DGKB: variants seen among roughly 807,000 people sequenced by gnomAD.
DGKB encodes diacylglycerol kinase beta, also known as 90 kDa diacylglycerol kinase.
A neutral mutation model predicts 114.3 loss-of-function variants in DGKB; 67 were observed. The observed-to-expected ratio is 0.59, with a 90% CI of 0.48 to 0.72. The LOEUF is 0.72. Ranked by LOEUF, DGKB falls within the 30% of genes least tolerant of loss-of-function variation. The pLI is 0.00. For missense variants in DGKB, 907 were observed against 975.2 expected (o/e 0.93, Z 0.93); for synonymous variants, 398 against 323.1 (o/e 1.23, Z -2.49).
intron 23 of DGKB, among the ~76,000 whole-genome samples, chr7:14,251,056 A>C (rs954860848): frequency 1.3e-5 from 2 of 152,150 alleles, no homozygotes; most frequent in African/African-American, 4.8e-5. Context: ...GGAGGTGTAT[A>C]GCTGGATACT....
At chr7:14,149,833 A>G (rs758572234) in intron 25 of DGKB, among the ~76,000 whole-genome samples, 4 of 152,204 alleles carry the variant, frequency 2.6e-5, no homozygotes, top group Non-Finnish European at 5.9e-5. Context: ...ATTAATTGGT[A>G]ATATAATAGA....
intron 20 of DGKB, among the ~76,000 whole-genome samples, chr7:14,564,464 A>C (rs1563524377): frequency 6.6e-6 from 1 of 152,046 alleles, no homozygotes; most frequent in Non-Finnish European, 1.5e-5. Context: ...CATTTCAAAG[A>C]TTTTCAGATT....
intron 1 of DGKB, among the ~76,000 whole-genome samples, chr7:14,968,435 G>T (rs1471064378): frequency 6.6e-6 from 1 of 152,088 alleles, no homozygotes; most frequent in African/African-American, 2.4e-5. Flanking sequence ...AATCAAAATT[G>T]TAAGATTTCA....
At chr7:14,905,603 A>C (rs148837924), upstream of DGKB, among the ~76,000 whole-genome samples, 1 of 152,326 alleles carries the variant, frequency 6.6e-6, no homozygotes, top group East Asian at 1.9e-4. Context: ...AAATATATAG[A>C]AACGAATCAT....
intron 21 of DGKB, among the ~76,000 whole-genome samples, chr7:14,375,169 G>A (rs1461474715): frequency 1.3e-5 from 2 of 152,070 alleles, no homozygotes; most frequent in African/African-American, 4.8e-5. Flanking sequence ...CACATACCCA[G>A]GCCACTACAA....
Position 14,151,195 on chromosome 7 carries a change from G to A in DGKB, c.2305-1957C>T, listed in dbSNP as rs193242267. On this transcript the variant is annotated intron_variant, in intron 25 of 25. Coordinates refer to ENST00000402815, the MANE Select transcript of DGKB (RefSeq NM_001350709.2). ...GCTAAAGTAAGAAGGTTGAGATTTC[G>A]GGTTCATAATTTCTGGACTAAATGC... 1.2e-4 allele frequency among the ~76,000 whole-genome samples: 19 copies of A among 152,042 alleles called. No individual in the cohort carries two copies. The East Asian group carries it at 3.1e-3, about 25-fold the overall frequency.
At chr7:14,828,789 G>A (rs1038343723) in intron 2 of DGKB, among the ~76,000 whole-genome samples, 1 of 152,056 alleles carries the variant, frequency 6.6e-6, no homozygotes, top group Admixed American at 6.6e-5. Flanking sequence ...TTATTATTTA[G>A]TCCATTTCTG....
chr7:14,296,019 C>T (rs1265742592), intron 23 of DGKB, among the ~76,000 whole-genome samples: 1 of 147,604 alleles, frequency 6.8e-6, no homozygotes, highest in African/African-American at 2.5e-5. Flanking sequence ...ATTCATGTCC[C>T]TGCAAAGGTC....
chr7:14,158,344 G>A (rs1318776660), intron 25 of DGKB, among the ~76,000 whole-genome samples: 2 of 152,058 alleles, frequency 1.3e-5, no homozygotes, highest in Non-Finnish European at 2.9e-5. Flanking sequence ...CAGCATTCCC[G>A]CCACATGCCA....
intron 9 of DGKB, among the ~76,000 whole-genome samples, chr7:14,689,209 T>TTTTTATTTA (rs1563917636): frequency 8.9e-5 from 11 of 123,786 alleles, no homozygotes; most frequent in East Asian, 4.7e-4. Flanking sequence ...ATTTTTTTTT[T>TTTTTATTTA]TTTTTTTTTT....
chr7:14,764,350 C>T (rs953662296), intron 2 of DGKB, among the ~76,000 whole-genome samples: 9 of 151,868 alleles, frequency 5.9e-5, no homozygotes, highest in Non-Finnish European at 8.8e-5. Context: ...GTGCAGACAA[C>T]ATAGTAGCAT....
Position 14,884,690 on chromosome 7 carries a change from T to C in DGKB, c.-188+17902A>G, listed in dbSNP as rs114534732. On this transcript the variant is annotated intron_variant, in intron 1 of 25. Transcript: ENST00000402815. Reference sequence around the variant, plus strand: ...AGGCTCTGTAAATTACCACCAAGTATAGCCATGAATAAAATAAGAATCAAT... The same window carrying C: ...AGGCTCTGTAAATTACCACCAAGTACAGCCATGAATAAAATAAGAATCAAT... Among the ~76,000 whole-genome samples, 1,119 of 152,012 alleles carry C rather than the reference T, an allele frequency of 7.4e-3. 15 individuals carry two copies. The highest frequency in any genetic ancestry group is 0.025 in the African/African-American group (1,032 of 41,506).
chr7:14,592,349 G>A (rs78984121), intron 17 of DGKB, among the ~76,000 whole-genome samples: 8 of 151,804 alleles, frequency 5.3e-5, no homozygotes, highest in African/African-American at 1.7e-4. Context: ...CTTTCCTTAC[G>A]AAAGGTCTGC....
intron 1 of DGKB, among the ~76,000 whole-genome samples, chr7:14,876,210 G>C (rs1411901683): frequency 6.6e-6 from 1 of 151,980 alleles, no homozygotes; most frequent in Non-Finnish European, 1.5e-5. Context: ...CTATGGCAGT[G>C]ACACAACGAC....
At chr7:14,395,355 C>T (rs1822052862) in intron 21 of DGKB, among the ~76,000 whole-genome samples, 1 of 151,940 alleles carries the variant, frequency 6.6e-6, no homozygotes, top group Non-Finnish European at 1.5e-5. Context: ...ATAATCTCTT[C>T]CAAGCCATTT....
chr7:14,910,101 G>A (rs1191476664), intron 1 of DGKB, among the ~76,000 whole-genome samples: 1 of 151,754 alleles, frequency 6.6e-6, no homozygotes, highest in Non-Finnish European at 1.5e-5. Context: ...TCAACTAATT[G>A]GGACTAGTGA....
At chr7:14,333,551 T>C (rs993313920) in intron 23 of DGKB, among the ~76,000 whole-genome samples, 2 of 152,054 alleles carry the variant, frequency 1.3e-5, no homozygotes, top group Non-Finnish European at 2.9e-5. Context: ...TTATTTTTCA[T>C]AGATTTCTGC....
chr7:14,448,959 G>C (rs1482575490), intron 21 of DGKB, among the ~76,000 whole-genome samples: 1 of 152,040 alleles, frequency 6.6e-6, no homozygotes, highest in Non-Finnish European at 1.5e-5. Context: ...ATGAGCATGA[G>C]ATAATGTTAT....
chr7:14,578,187 G>C (rs1009054383), intron 19 of DGKB, among the ~76,000 whole-genome samples: 7 of 152,052 alleles, frequency 4.6e-5, no homozygotes, highest in African/African-American at 1.4e-4. Flanking sequence ...AAATGCCTTT[G>C]CTTCTCCTTC....
Sources: allele counts gnomAD v4.1 joint callset (sites outside exome capture counted in the v4.1 genomes callset), GRCh38; gene constraint gnomAD v4.1.1; transcripts MANE v1.5; gene names NCBI Gene and HGNC (gene_info 2026-07-23, HGNC 2026-07-21).